Variants in CUL2 observed in about 807,000 individuals in gnomAD.
CUL2 encodes the protein cullin-2.
Under a neutral mutation model 110.2 loss-of-function variants are expected in CUL2, and 22 were observed. The ratio of observed to expected loss-of-function variants is 0.20; its 90% confidence interval spans 0.14 to 0.28. The LOEUF is 0.28. Among genes scored for constraint, CUL2 ranks in the 10% least tolerant of loss-of-function variants. CUL2 has a pLI of 1.00. For missense variants in CUL2, 631 were observed against 905.5 expected (o/e 0.70, Z 3.89); for synonymous variants, 279 against 293.2 (o/e 0.95, Z 0.49).
intron 4 of CUL2, among the ~76,000 whole-genome samples, 189 bp from the exon 5 acceptor site, chr10:35,054,728 C>T (rs16935872): frequency 0.15 from 22,942 of 152,122 alleles, 1,952 homozygotes; most frequent in East Asian, 0.24. Flanking sequence ...GCCCACCTTT[C>T]TCTGCAAGCC....
chr10:35,017,317 G>C (rs1309514095), intron 17 of CUL2, among the ~76,000 whole-genome samples: 2 of 151,748 alleles, frequency 1.3e-5, no homozygotes, highest in Admixed American at 1.3e-4. Context: ...GATAGCAAAA[G>C]AATCTGAATG....
Position 35,107,123 on chromosome 10 carries a change from CA to C in CUL2, c.-50-6064del, listed in dbSNP as rs568729527. 3.9e-5 allele frequency among the ~76,000 whole-genome samples: 6 copies of C among 152,092 alleles called. No homozygotes were observed. In the South Asian group the frequency reaches 1.0e-3, roughly 26 times the overall value. On this transcript the variant is annotated intron_variant, in intron 1 of 5. Coordinates refer to the CUL2 transcript ENST00000685421. ...CCGAGTAGCTGGGACTACATGCGCC[CA>C]CCACCGTGCCCGGCTAATTTTTTGT...
chr10:35,057,087 C>T (rs1481337605), intron 4 of CUL2, among the ~76,000 whole-genome samples: 2 of 152,186 alleles, frequency 1.3e-5, no homozygotes, highest in Non-Finnish European at 2.9e-5. Flanking sequence ...ACAGGAGCTT[C>T]CTTTACCTAC....
intron 1 of CUL2, among the ~76,000 whole-genome samples, chr10:35,106,647 A>T (rs982366543): frequency 3.3e-5 from 5 of 151,972 alleles, no homozygotes; most frequent in Non-Finnish European, 7.4e-5. Context: ...TTTGTTGTTT[A>T]TAAGCCACCC....
intron 16 of CUL2, among the ~76,000 whole-genome samples, chr10:35,028,224 AAAG>A (rs1449637530): frequency 1.3e-5 from 2 of 152,228 alleles, no homozygotes. Flanking sequence ...ATCTCTTTTC[AAAG>A]AAGATGTAAG....
intron 1 of CUL2, among the ~76,000 whole-genome samples, chr10:35,119,776 C>A (rs1182698092): frequency 6.6e-6 from 1 of 151,906 alleles, no homozygotes; most frequent in African/African-American, 2.4e-5. Flanking sequence ...CACTATGTTG[C>A]CCAGGCTGAT....
At chr10:35,105,565 G>A (rs1287369570) in intron 1 of CUL2, among the ~76,000 whole-genome samples, 1 of 151,514 alleles carries the variant, frequency 6.6e-6, no homozygotes, top group Non-Finnish European at 1.5e-5. Flanking sequence ...AAAATTTGCC[G>A]GGTGTGGTGG....
rs147185728 is a variant in CUL2 at position 35,050,645 on chromosome 10, CAT to C, written c.424-882_424-881del. On this transcript the variant is annotated intron_variant, in intron 5 of 20. Transcript: ENST00000374749. ...TTTTGTGAAACCCATCCAGTGGAAA[CAT>C]ACAGCCATAGCTCAATCATTGGCAC... is the stretch of plus-strand genomic sequence containing the variant. Among the ~76,000 whole-genome samples, 11 of 152,326 alleles carry C rather than the reference CAT, an allele frequency of 7.2e-5. No homozygotes were observed. The East Asian group carries it at 2.1e-3, about 29-fold the overall frequency.
intron 6 of CUL2, 119 bp downstream of exon 6, chr10:35,049,564 G>A: frequency 3.2e-6 from 2 of 631,452 alleles, no homozygotes. Flanking sequence ...GTAAAATGAG[G>A]CTCATTACAG....
chr10:35,024,464 GA>G (rs768584002), intron 17 of CUL2, among the ~76,000 whole-genome samples: 1 of 152,010 alleles, frequency 6.6e-6, no homozygotes, highest in Non-Finnish European at 1.5e-5. Context: ...CTTGTACAAA[GA>G]AAAAGTGATT....
At chr10:35,024,983 T>G in intron 17 of CUL2, 149 bp downstream of exon 17, 2 of 1,161,354 alleles carry the variant, frequency 1.7e-6, no homozygotes, top group Non-Finnish European at 2.2e-6. Context: ...GTGCTATACT[T>G]GGATTTCATT....
chr10:35,115,283 C>A (rs2087580052), intron 1 of CUL2, among the ~76,000 whole-genome samples: 1 of 149,658 alleles, frequency 6.7e-6, no homozygotes, highest in African/African-American at 2.5e-5. Flanking sequence ...AAAACAAGGC[C>A]AGGTGCAGTG....
rs1554851929 is a variant in CUL2, at chr10:35,009,201, T to TATATATTA, written c.*1109_*1110insTAATATAT. Reference sequence around the variant, plus strand: ...CTGTTGAGATATATATATATATATATTATATATATATATATATATAAAATA... The same window carrying TATATATTA: ...CTGTTGAGATATATATATATATATATATATATTATATATATATATATATATATAAAATA... On this transcript the variant is annotated 3_prime_UTR_variant, in exon 21 of 21. Coordinates refer to ENST00000374749, the MANE Select transcript of CUL2 (RefSeq NM_003591.4). 11 of 137,886 alleles carry TATATATTA rather than the reference T, an allele frequency of 8.0e-5. No homozygotes were observed. Among genetic ancestry groups the TATATATTA allele is most frequent in the African/African-American group, 2.9e-4 (11 of 37,408 alleles). The allele number at this position is 137,886 out of a possible 1,614,324, so 8.5% of individuals were successfully genotyped here.
chr10:35,119,055 G>A (rs1244194824), intron 1 of CUL2, among the ~76,000 whole-genome samples: 2 of 152,186 alleles, frequency 1.3e-5, no homozygotes, highest in Non-Finnish European at 2.9e-5. Flanking sequence ...ACTCCTTAAA[G>A]GTTGATGTTT....
intron 6 of CUL2, among the ~76,000 whole-genome samples, chr10:35,047,013 A>C (rs2085960702): frequency 6.6e-6 from 1 of 152,232 alleles, no homozygotes; most frequent in Admixed American, 6.5e-5. Context: ...TGGGTAACTA[A>C]ACAGTAGGTG....
At chr10:35,124,549 T>G (rs1356672247) in intron 1 of CUL2, among the ~76,000 whole-genome samples, 1 of 151,662 alleles carries the variant, frequency 6.6e-6, no homozygotes, top group African/African-American at 2.4e-5. Context: ...AATCTGAAGG[T>G]GAGGGGATGG....
At chr10:35,066,807 T>A (rs2086540764) in intron 2 of CUL2, among the ~76,000 whole-genome samples, 1 of 152,152 alleles carries the variant, frequency 6.6e-6, no homozygotes, top group Non-Finnish European at 1.5e-5. Context: ...TGACTATAGA[T>A]AAAATCTTTT....
At chr10:35,093,981 T>C (rs566539475), upstream of CUL2, among the ~76,000 whole-genome samples, 8 of 152,244 alleles carry the variant, frequency 5.3e-5, no homozygotes, top group Middle Eastern at 3.4e-3. Context: ...TTAAAATTAA[T>C]CAGTAATTTA....
At chr10:35,061,156 A>G (rs1289291683) in intron 3 of CUL2, among the ~76,000 whole-genome samples, 188 bp from the exon 4 acceptor site, 3 of 152,212 alleles carry the variant, frequency 2.0e-5, no homozygotes, top group Non-Finnish European at 2.9e-5. Flanking sequence ...GAGTCTTCAA[A>G]ATGAAAGTGA....
Sources: gnomAD v4.1 joint callset for allele counts (sites outside exome capture counted in the v4.1 genomes callset) on GRCh38, gnomAD v4.1.1 for gene constraint, MANE v1.5 for transcripts, NCBI Gene and HGNC (gene_info 2026-07-23, HGNC 2026-07-21) for gene names.